Variants in PLPPR4 observed in about 807,000 individuals in gnomAD.
The protein encoded by PLPPR4 is phospholipid phosphatase-related protein type 4.
A neutral mutation model predicts 56.6 loss-of-function variants in PLPPR4; 24 were observed. That is an observed-to-expected ratio of 0.42 (90% confidence interval 0.31 to 0.60). PLPPR4 has a LOEUF of 0.60. Ranked by LOEUF, PLPPR4 falls within the 20% of genes least tolerant of loss-of-function variation. The pLI is 0.13. For synonymous variants in PLPPR4, 326 were observed against 328.1 expected, an observed-to-expected ratio of 0.99 and a Z score of 0.07; for missense variants, 654 against 885.8, an observed-to-expected ratio of 0.74 and a Z score of 3.32.
chr1:99,272,435 T>C (rs1304714551), intron 1 of PLPPR4, among the ~76,000 whole-genome samples: 2 of 152,164 alleles, frequency 1.3e-5, no homozygotes, highest in Non-Finnish European at 2.9e-5. Context: ...TATTAGAAAG[T>C]TTCCCTCTGG....
rs2290548 is a variant in PLPPR4, at chr1:99,298,962, T to C, written c.395-73T>C. The C allele has an allele frequency of 9.5e-4, 927 of 980,384 alleles. 12 individuals carry two copies. In the East Asian group the frequency reaches 0.022, roughly 23 times the overall value. 60.7% of individuals were successfully genotyped at this position (980,384 alleles called of 1,614,324 possible). A position where few individuals can be genotyped will look rare whatever the true frequency, so the allele number is the denominator to read the frequency against. ...AATAGATTTTAAGATCTTAATTCAC[T>C]AATGTTTAATGAATATGTTTGATGC... On this transcript the variant is annotated intron_variant, in intron 3 of 6. Transcript: ENST00000370185.
Position 99,296,827 on chromosome 1 carries a change from C to A in PLPPR4, c.354C>A (p.Cys118Ter). 6.3e-7 allele frequency: 1 copy of A among 1,595,110 alleles called. No homozygotes were observed. Among genetic ancestry groups the A allele is most frequent in the Non-Finnish European group, 8.6e-7 (1 of 1,167,428 alleles). ...AGCCCAACATTAATGCTGGAGGCTGCAACTTCAATTCCTTCCTCAGACGAG... is the reference window on the plus strand; with the variant it reads ...AGCCCAACATTAATGCTGGAGGCTGAAACTTCAATTCCTTCCTCAGACGAG... ...GLEPNINAGG[C>*]NFNSFLRRAV... is the part of the protein sequence containing the mutation. The change falls in exon 3 of 7, where the codon TGC becomes TGA. Residue 118 changes from cysteine to a stop codon, truncating the protein, a stop_gained. Transcript: ENST00000370185. LOFTEE classifies it high-confidence loss of function.
At chr1:99,265,983 A>T (rs571382153) in intron 1 of PLPPR4, among the ~76,000 whole-genome samples, 1 of 152,238 alleles carries the variant, frequency 6.6e-6, no homozygotes, top group Non-Finnish European at 1.5e-5. Flanking sequence ...AAGAAAAAAA[A>T]ATCTATGTAT....
Position 99,299,090 on chromosome 1 carries a change from G to A in PLPPR4, c.450G>A (p.Leu150=), listed in dbSNP as rs756577602. 1.9e-6 allele frequency: 3 copies of A among 1,613,506 alleles called. No homozygotes were observed. Among genetic ancestry groups the A allele is most frequent in the South Asian group, 1.1e-5 (1 of 91,068 alleles). ...CTCTCATTACAGATATCATACAGCT[G>A]TCCACAGGATATCAAGCACCTTACT... ...STALITDIIQ[L]STGYQAPYFL... Residue 150 remains leucine (L), a synonymous_variant, in exon 4 of 7, where the codon CTG becomes CTA. Coordinates refer to ENST00000370185, the MANE Select transcript of PLPPR4 (RefSeq NM_014839.5).
chr1:99,298,940 A>C, intron 3 of PLPPR4, 95 bp from the exon 4 acceptor site: 2 of 872,898 alleles, frequency 2.3e-6, no homozygotes. Context: ...TGAACACAAT[A>C]GATTTTAAGA....
chr1:99,306,523 C>G lies in PLPPR4; in HGVS notation c.1661C>G (p.Ser554Cys), dbSNP rs1660034946. 6.2e-6 allele frequency: 10 copies of G among 1,614,048 alleles called. No individual in the cohort carries two copies. The highest frequency in any genetic ancestry group is 8.5e-6 in the Non-Finnish European group (10 of 1,180,038). ...AAGAACACTGAAGGCAGCACGGTCT[C>G]CTGCACTGGCTCCATCCGCTATAAA... ...SPKNTEGSTVSCTGSIRYKTL... is the reference protein window; with the variant it reads ...SPKNTEGSTVCCTGSIRYKTL... Residue 554 changes from serine to cysteine, a missense_variant, in exon 7 of 7, where the codon TCC (serine) becomes TGC (cysteine). This residue lies in a region of PLPPR4 where 468 missense variants were observed against 554.3 expected (regional missense o/e 0.84). Transcript: ENST00000370185. The surrounding 1 kb of genome is among the most constrained non-coding windows in gnomAD (Gnocchi z 4.0).
chr1:99,306,594 C>T lies in PLPPR4; in HGVS notation c.1732C>T (p.His578Tyr). The T allele has an allele frequency of 1.2e-6, 2 of 1,614,086 alleles. No homozygotes were observed. Among genetic ancestry groups the T allele is most frequent in the Non-Finnish European group, 1.7e-6 (2 of 1,180,008 alleles). Residue 578 changes from histidine (H) to tyrosine (Y), a missense_variant, in exon 7 of 7, where the codon CAC becomes TAC. Coordinates refer to ENST00000370185, the MANE Select transcript of PLPPR4 (RefSeq NM_014839.5). This position sits in a 1 kb window ranked among gnomAD's most constrained non-coding sequence, Gnocchi z 4.0. ...EPSGIVRVEA[H>Y]PENNRPIIQI... ...CAGTGGGATAGTGAGGGTTGAGGCT[C>T]ACCCAGAGAACAACAGGCCCATCAT... is the stretch of plus-strand genomic sequence containing the variant.
chr1:99,297,451 T>C (rs1292922721), intron 3 of PLPPR4, among the ~76,000 whole-genome samples: 3 of 152,184 alleles, frequency 2.0e-5, no homozygotes, highest in Non-Finnish European at 4.4e-5. Flanking sequence ...CTTCATCTCT[T>C]CTGCTTAGCA....
Position 99,299,250 on chromosome 1 carries a change from ACACTCT to A in PLPPR4, c.590+21_590+26del. The stretch of plus-strand genomic sequence containing the variant: ...TGGCAGGTTAGAAACAGATCTAAAA[ACACTCT>A]GCATCATTGTTTTCATTATTCAATT... On this transcript the variant is annotated intron_variant, in intron 4 of 6. Transcript: ENST00000370185. The A allele has an allele frequency of 6.4e-7, 1 of 1,572,684 alleles. No individual in the cohort carries two copies. Among genetic ancestry groups the A allele is most frequent in the Non-Finnish European group, 8.7e-7 (1 of 1,144,054 alleles).
intron 4 of PLPPR4, among the ~76,000 whole-genome samples, chr1:99,300,075 A>T (rs1659845950): frequency 6.6e-6 from 1 of 152,062 alleles, no homozygotes; most frequent in Non-Finnish European, 1.5e-5. Flanking sequence ...CTCATGTATC[A>T]TTCAATAATT....
At chr1:99,267,599 T>C (rs1407092514) in intron 1 of PLPPR4, among the ~76,000 whole-genome samples, 3 of 152,244 alleles carry the variant, frequency 2.0e-5, no homozygotes, top group Non-Finnish European at 4.4e-5. Flanking sequence ...GACTGAGATA[T>C]GGTAGGCAAT....
chr1:99,278,136 C>T (rs1659237521), intron 1 of PLPPR4, among the ~76,000 whole-genome samples: 1 of 152,008 alleles, frequency 6.6e-6, no homozygotes, highest in Admixed American at 6.6e-5. Context: ...CCCATTGATC[C>T]ATTGTATAAG....
chr1:99,283,291 T>C (rs1437178980), intron 1 of PLPPR4, among the ~76,000 whole-genome samples: 2 of 152,162 alleles, frequency 1.3e-5, no homozygotes, highest in South Asian at 2.1e-4. Flanking sequence ...TGTATTGCCC[T>C]AGGCTCAGAG....
intron 1 of PLPPR4, among the ~76,000 whole-genome samples, chr1:99,279,699 C>A (rs1175524954): frequency 1.3e-5 from 2 of 152,136 alleles, no homozygotes; most frequent in East Asian, 3.9e-4. Flanking sequence ...AGAATGACAG[C>A]AGGATACACG....
rs187830488 is a variant in PLPPR4 at position 99,305,166 on chromosome 1, T to C, written c.823-519T>C. On this transcript the variant is annotated intron_variant, in intron 6 of 6. Coordinates refer to ENST00000370185, the MANE Select transcript of PLPPR4 (RefSeq NM_014839.5). ...GCTGAACACACAAGGCTGTAGTCAG[T>C]GCGAGTCGTAATAACATATGTCTCC... 3.1e-3 allele frequency among the ~76,000 whole-genome samples: 465 copies of C among 152,246 alleles called. 2 individuals are homozygous for C. The highest frequency in any genetic ancestry group is 4.9e-3 in the Non-Finnish European group (332 of 68,024).
At chr1:99,269,997 T>TTGTGTG (rs10612152) in intron 1 of PLPPR4, among the ~76,000 whole-genome samples, 1,555 of 134,536 alleles carry the variant, frequency 0.012, 14 homozygotes, top group African/African-American at 0.015. Context: ...TTCATTCCTT[T>TTGTGTG]TGTGTGTGTG....
intron 1 of PLPPR4, among the ~76,000 whole-genome samples, chr1:99,285,358 C>T (rs1316601070): frequency 1.3e-5 from 2 of 152,006 alleles, no homozygotes; most frequent in African/African-American, 2.4e-5. Context: ...TAAATTAATA[C>T]TTAAATATAT....
At chr1:99,297,060 G>T (rs1341029167) in intron 3 of PLPPR4, among the ~76,000 whole-genome samples, 193 bp downstream of exon 3, 2 of 152,148 alleles carry the variant, frequency 1.3e-5, no homozygotes, top group African/African-American at 4.8e-5. Flanking sequence ...GTTATTTACA[G>T]TTGTAGCCCT....
Position 99,296,723 on chromosome 1 carries a change from C to A in PLPPR4, c.265-15C>A. On this transcript the variant is annotated splice_polypyrimidine_tract_variant and intron_variant, in intron 2 of 6. Transcript: ENST00000370185. ...TCCAACATGCCTCTTCCTGAATACC[C>A]TTCTATCTTTGCAGATTATGGTAGG... is the stretch of plus-strand genomic sequence containing the variant. 6.3e-7 allele frequency: 1 copy of A among 1,578,272 alleles called. No homozygotes were observed. The highest frequency in any genetic ancestry group is 1.2e-5 in the South Asian group (1 of 84,560).
Sources: allele counts gnomAD v4.1 joint callset (sites outside exome capture counted in the v4.1 genomes callset), GRCh38; gene constraint gnomAD v4.1.1; regional missense constraint gnomAD v4.1.1; non-coding constraint Gnocchi (gnomAD v3.1); transcripts MANE v1.5; gene names NCBI Gene and HGNC (gene_info 2026-07-23, HGNC 2026-07-21).